Variants in PCDHA2 observed in about 807,000 individuals in gnomAD.
PCDHA2 encodes the protein protocadherin alpha-2.
A neutral mutation model predicts 66.0 loss-of-function variants in PCDHA2; 58 were observed. The observed-to-expected ratio is 0.88, with a 90% CI of 0.71 to 1.09. The LOEUF (loss-of-function observed/expected upper bound fraction) is 1.09, where lower values mean the gene tolerates loss of function less well. PCDHA2 is among the 50% of genes least tolerant of loss of function. The pLI, the probability that PCDHA2 is intolerant of heterozygous loss-of-function variation, is 0.00. For missense variants in PCDHA2, 1,267 were observed against 1,242.3 expected, an observed-to-expected ratio of 1.02 and a Z score of -0.30; for synonymous variants, 634 against 554.0, an observed-to-expected ratio of 1.14 and a Z score of -2.03.
chr5:140,929,326 G>A, intron 1 of PCDHA2: 1 of 1,538,470 alleles, frequency 6.5e-7, no homozygotes. Context: ...CAATGCCATG[G>A]TAAGCAAATT....
intron 1 of PCDHA2, chr5:140,823,023 C>A (rs148202782): frequency 3.1e-6 from 5 of 1,614,108 alleles, no homozygotes; most frequent in Middle Eastern, 1.6e-4. Context: ...ACCGCGAGAG[C>A]GTGTCGGTCT....
intron 3 of PCDHA2, among the ~76,000 whole-genome samples, chr5:140,987,370 A>G (rs183202119): frequency 5.2e-4 from 79 of 152,328 alleles, no homozygotes; most frequent in East Asian, 3.9e-4. Context: ...TTATATCATT[A>G]CAGGGTCAGA....
intron 3 of PCDHA2, among the ~76,000 whole-genome samples, chr5:140,993,758 T>C (rs1205942777): frequency 6.6e-6 from 1 of 152,226 alleles, no homozygotes; most frequent in Non-Finnish European, 1.5e-5. Flanking sequence ...GCCATTATAT[T>C]ACAATTGCGC....
chr5:140,808,294 C>A, intron 1 of PCDHA2: 2 of 1,614,274 alleles, frequency 1.2e-6, no homozygotes, highest in Middle Eastern at 1.7e-4. Flanking sequence ...GTACAGTCAT[C>A]GCCCTGATCA....
At chr5:141,000,385 CTCTCTCTCTCTATA>C (rs1173975015) in intron 3 of PCDHA2, among the ~76,000 whole-genome samples, 30 of 64,968 alleles carry the variant, frequency 4.6e-4, no homozygotes, top group African/African-American at 1.8e-3. Context: ...CTCTCTCTCT[CTCTCTCTCTCTATA>C]TATATATATA....
intron 1 of PCDHA2, among the ~76,000 whole-genome samples, chr5:140,826,596 GTTAAA>G (rs1357546404): frequency 6.6e-6 from 1 of 152,084 alleles, no homozygotes; most frequent in East Asian, 1.9e-4. Flanking sequence ...TAACATTAAG[GTTAAA>G]TTAAGGGCGA....
chr5:140,836,316 C>T (rs2150257543), intron 1 of PCDHA2: 5 of 1,613,630 alleles, frequency 3.1e-6, no homozygotes, highest in Non-Finnish European at 4.2e-6. Context: ...CGCACCGCGC[C>T]ACCGCCTTCT....
intron 1 of PCDHA2, chr5:140,834,189 G>A: frequency 1.7e-6 from 1 of 573,600 alleles, no homozygotes; most frequent in South Asian, 2.6e-5. Flanking sequence ...ACATGATGTC[G>A]CTCTTTACCG....
intron 1 of PCDHA2, among the ~76,000 whole-genome samples, chr5:140,902,684 A>G (rs1173996816): frequency 6.6e-6 from 1 of 152,100 alleles, no homozygotes; most frequent in Non-Finnish European, 1.5e-5. Flanking sequence ...ACCGTACCTA[A>G]TATGTGTAGT....
chr5:140,823,553 T>C lies in PCDHA2; in HGVS notation c.2388+26201T>C, dbSNP rs2150126826. The C allele has an allele frequency of 5.6e-6, 9 of 1,613,782 alleles. No homozygotes were observed. Among genetic ancestry groups the C allele is most frequent in the Non-Finnish European group, 6.8e-6 (8 of 1,179,888 alleles). On this transcript the variant is annotated intron_variant, in intron 1 of 3. Coordinates refer to ENST00000526136, the MANE Select transcript of PCDHA2 (RefSeq NM_018905.3). Reference sequence around the variant, plus strand: ...GGTGCGGGCCACGTGGTGGCGAAGGTGCGCGCAGTGGACCCTGATTCGGGC... The same window carrying C: ...GGTGCGGGCCACGTGGTGGCGAAGGCGCGCGCAGTGGACCCTGATTCGGGC...
intron 1 of PCDHA2, among the ~76,000 whole-genome samples, chr5:140,888,380 A>G (rs1348796416): frequency 6.6e-6 from 1 of 152,192 alleles, no homozygotes; most frequent in East Asian, 1.9e-4. Context: ...GAGCTCTGAG[A>G]TGCTGCTAAA....
intron 1 of PCDHA2, among the ~76,000 whole-genome samples, chr5:140,962,475 T>C (rs772721001): frequency 2.0e-5 from 3 of 152,232 alleles, no homozygotes; most frequent in Non-Finnish European, 4.4e-5. Context: ...TCTCTTTGTT[T>C]ATTCTAAGCA....
intron 3 of PCDHA2, among the ~76,000 whole-genome samples, chr5:140,999,657 C>A (rs1257419150): frequency 6.6e-6 from 1 of 152,156 alleles, no homozygotes; most frequent in Non-Finnish European, 1.5e-5. Flanking sequence ...CTGAGCCCTG[C>A]TGGGTTGCGG....
intron 1 of PCDHA2, chr5:140,836,577 T>G (rs1283554877): frequency 1.2e-6 from 2 of 1,613,536 alleles, no homozygotes; most frequent in Non-Finnish European, 1.7e-6. Flanking sequence ...TGAGGGCGCA[T>G]GTAGTTTGGT....
At chr5:140,881,191 T>C (rs564115136) in intron 1 of PCDHA2, 2 of 170,408 alleles carry the variant, frequency 1.2e-5, no homozygotes, top group African/African-American at 4.8e-5. Context: ...AAAGATATGT[T>C]AACATCTTTG....
intron 1 of PCDHA2, among the ~76,000 whole-genome samples, chr5:140,906,212 A>C (rs2072460025): frequency 6.6e-6 from 1 of 152,194 alleles, no homozygotes; most frequent in South Asian, 2.1e-4. Context: ...CTCAGTATTA[A>C]CCATCACAAG....
At chr5:140,899,575 G>C (rs1347901369) in intron 1 of PCDHA2, among the ~76,000 whole-genome samples, 1 of 152,086 alleles carries the variant, frequency 6.6e-6, no homozygotes, top group African/African-American at 2.4e-5. Flanking sequence ...TGCTGGATTC[G>C]GTTTGCCAGT....
intron 1 of PCDHA2, chr5:140,883,493 C>G: frequency 6.2e-7 from 1 of 1,614,174 alleles, no homozygotes; most frequent in Non-Finnish European, 8.5e-7. Flanking sequence ...CTCATTAGTG[C>G]TGGACAGCGC....
At position 140,910,974 on chromosome 5, in the gene PCDHA2, T is replaced by G. The variant is rs114099897; in HGVS notation, c.2389-67975T>G. Among the ~76,000 whole-genome samples the G allele has an allele frequency of 8.0e-3, 1,211 of 152,160 alleles. 6 individuals carry two copies. The highest frequency in any genetic ancestry group is 0.019 in the African/African-American group (781 of 41,520). On this transcript the variant is annotated intron_variant, in intron 1 of 3. Coordinates refer to ENST00000526136, the MANE Select transcript of PCDHA2 (RefSeq NM_018905.3). ...CGAGTGTAGCACACCTCCTCATGGG[T>G]TATACTCTGAACCTCACCCCTAGGG...
Sources: gnomAD v4.1 joint callset for allele counts (sites outside exome capture counted in the v4.1 genomes callset) on GRCh38, gnomAD v4.1.1 for gene constraint, MANE v1.5 for transcripts, NCBI Gene and HGNC (gene_info 2026-07-23, HGNC 2026-07-21) for gene names.